ZDHHC20: variants seen among roughly 807,000 people sequenced by gnomAD.
ZDHHC20 encodes palmitoyltransferase ZDHHC20.
ZDHHC20 carries 43 observed loss-of-function variants against 57.8 expected under a neutral mutation model. That is an observed-to-expected ratio of 0.74 (90% CI 0.58 to 0.96). The LOEUF (loss-of-function observed/expected upper bound fraction) is 0.96, where lower values mean the gene tolerates loss of function less well. ZDHHC20 is among the 40% of genes least tolerant of loss of function. ZDHHC20 has a pLI of 0.00. For synonymous variants in ZDHHC20, 157 were observed against 153.0 expected, an observed-to-expected ratio of 1.03 and a Z score of -0.19; for missense variants, 391 against 441.1, an observed-to-expected ratio of 0.89 and a Z score of 1.02.
At chr13:21,445,278 C>A (rs1883578612) in intron 1 of ZDHHC20, among the ~76,000 whole-genome samples, 1 of 152,132 alleles carries the variant, frequency 6.6e-6, no homozygotes, top group Non-Finnish European at 1.5e-5. Flanking sequence ...CAGAGTTACA[C>A]AGATGTGGAT....
At chr13:21,396,842 A>AAG (rs1555257180) in intron 7 of ZDHHC20, among the ~76,000 whole-genome samples, 4 of 148,062 alleles carry the variant, frequency 2.7e-5, no homozygotes, top group Admixed American at 6.7e-5. Context: ...CAAAAAAAAA[A>AAG]AAAGAAAGAA....
chr13:21,392,732 G>C (rs1225498894), intron 7 of ZDHHC20, among the ~76,000 whole-genome samples: 1 of 152,160 alleles, frequency 6.6e-6, no homozygotes, highest in African/African-American at 2.4e-5. Flanking sequence ...ACACGAGGCT[G>C]TTCTGCTTGA....
chr13:21,417,771 C>T (rs1880174909), intron 3 of ZDHHC20, among the ~76,000 whole-genome samples: 1 of 152,056 alleles, frequency 6.6e-6, no homozygotes, highest in South Asian at 2.1e-4. Flanking sequence ...AATCAATTCC[C>T]CTAGACCTAG....
Position 21,413,636 on chromosome 13 carries a change from T to C in ZDHHC20, c.370+16A>G, listed in dbSNP as rs1434654716. 1 of 1,574,446 alleles carries C rather than the reference T, an allele frequency of 6.4e-7. No homozygotes were observed. The highest frequency in any genetic ancestry group is 1.9e-5 in the Admixed American group (1 of 52,996). On this transcript the variant is annotated intron_variant, in intron 4 of 12. Coordinates refer to ENST00000400590, the MANE Select transcript of ZDHHC20 (RefSeq NM_001330059.2). Reference sequence around the variant, plus strand: ...TTAAAAATCATTTGAAAAGGAAAACTTATTCTTTTTCTTACTTTTTGAAGC... The same window carrying C: ...TTAAAAATCATTTGAAAAGGAAAACCTATTCTTTTTCTTACTTTTTGAAGC...
chr13:21,373,705 G>A lies in ZDHHC20; in HGVS notation c.*2991C>T, dbSNP rs1233223906. 1 of 152,186 alleles carries A rather than the reference G, an allele frequency of 6.6e-6. No homozygotes were observed. Among genetic ancestry groups the A allele is most frequent in the Non-Finnish European group, 1.5e-5 (1 of 68,024 alleles). 9.4% of individuals were successfully genotyped at this position (152,186 alleles called of 1,614,324 possible). A position where few individuals can be genotyped will look rare whatever the true frequency, so the allele number is the denominator to read the frequency against. On this transcript the variant is annotated 3_prime_UTR_variant, in exon 13 of 13. Coordinates refer to ENST00000400590, the MANE Select transcript of ZDHHC20 (RefSeq NM_001330059.2). ...ATCACAAAGTGTTTGAAGGACCAAA[G>A]ATAGTACTTCTAAAATTTGACAGGG...
chr13:21,455,635 T>G (rs902162236), intron 1 of ZDHHC20, among the ~76,000 whole-genome samples: 4 of 11,642 alleles, frequency 3.4e-4, no homozygotes, highest in East Asian at 1.1e-3. Flanking sequence ...AGTGAAGTGG[T>G]GTGTGTGTGT....
intron 3 of ZDHHC20, among the ~76,000 whole-genome samples, chr13:21,418,335 G>T (rs1258540858): frequency 1.3e-5 from 2 of 152,092 alleles, no homozygotes; most frequent in African/African-American, 2.4e-5. Flanking sequence ...AAAGGCTTAA[G>T]CTCTGGGCTG....
chr13:21,378,273 T>G (rs1214405400), intron 12 of ZDHHC20, among the ~76,000 whole-genome samples: 1 of 152,158 alleles, frequency 6.6e-6, no homozygotes, highest in African/African-American at 2.4e-5. Context: ...TGACCCAGGC[T>G]GGTCTCTCAC....
At chr13:21,398,430 C>T (rs980023655) in intron 7 of ZDHHC20, among the ~76,000 whole-genome samples, 2 of 151,036 alleles carry the variant, frequency 1.3e-5, no homozygotes, top group African/African-American at 4.9e-5. Context: ...CGCCACTGCA[C>T]TCCAGCCTGG....
chr13:21,439,239 C>T (rs981465238), intron 1 of ZDHHC20, among the ~76,000 whole-genome samples: 54 of 152,296 alleles, frequency 3.5e-4, no homozygotes, highest in African/African-American at 1.3e-3. Flanking sequence ...GTGGCTCACG[C>T]CTGTAATCCC....
At chr13:21,415,466 A>T (rs1879839709) in intron 3 of ZDHHC20, among the ~76,000 whole-genome samples, 1 of 152,190 alleles carries the variant, frequency 6.6e-6, no homozygotes. Flanking sequence ...CAACATGGAC[A>T]GATGAACAGG....
chr13:21,407,124 G>T (rs866939581), intron 4 of ZDHHC20, among the ~76,000 whole-genome samples: 1 of 152,102 alleles, frequency 6.6e-6, no homozygotes, highest in East Asian at 1.9e-4. Flanking sequence ...GAGTAGCTGG[G>T]ATTACAGGTG....
intron 3 of ZDHHC20, among the ~76,000 whole-genome samples, chr13:21,414,057 T>C (rs1461058283): frequency 6.6e-6 from 1 of 152,154 alleles, no homozygotes; most frequent in Non-Finnish European, 1.5e-5. Flanking sequence ...CAGGAAAGGC[T>C]TAATATATAG....
At chr13:21,400,537 A>G in intron 6 of ZDHHC20, 44 bp from the exon 7 acceptor site, 1 of 1,515,044 alleles carries the variant, frequency 6.6e-7, no homozygotes, top group Non-Finnish European at 8.8e-7. Context: ...AAGACAAATC[A>G]CAAATTCACA....
chr13:21,418,265 C>T (rs1351852948), intron 3 of ZDHHC20, among the ~76,000 whole-genome samples: 2 of 152,120 alleles, frequency 1.3e-5, no homozygotes, highest in Admixed American at 6.5e-5. Context: ...TCACTGGATA[C>T]AGGCTTGGGC....
chr13:21,408,479 T>C (rs1012527946), intron 4 of ZDHHC20, among the ~76,000 whole-genome samples: 3 of 152,356 alleles, frequency 2.0e-5, no homozygotes, highest in South Asian at 4.1e-4. Context: ...TCCTGAGACT[T>C]TGCTGAAGTT....
chr13:21,376,495 T>C lies in ZDHHC20; in HGVS notation c.*201A>G. The C allele has an allele frequency of 2.3e-6, 1 of 427,032 alleles. No homozygotes were observed. Among genetic ancestry groups the C allele is most frequent in the Non-Finnish European group, 4.2e-6 (1 of 240,014 alleles). 26.5% of individuals were successfully genotyped at this position (427,032 alleles called of 1,614,324 possible). A position where few individuals can be genotyped will look rare whatever the true frequency, so the allele number is the denominator to read the frequency against. ...CAAATGGACACTTAAGATTAAGGCA[T>C]CATTCTGCTCTGGAGTAGTGCTTCT... is the stretch of plus-strand genomic sequence containing the variant. On this transcript the variant is annotated 3_prime_UTR_variant, in exon 13 of 13. Coordinates refer to ENST00000400590, the MANE Select transcript of ZDHHC20 (RefSeq NM_001330059.2).
intron 1 of ZDHHC20, among the ~76,000 whole-genome samples, chr13:21,454,302 G>A (rs1884724891): frequency 6.6e-6 from 1 of 151,984 alleles, no homozygotes; most frequent in African/African-American, 2.4e-5. Flanking sequence ...CTGAAGCTTG[G>A]GCAACAAAAT....
At chr13:21,383,500 G>GT (rs1873824812) in intron 9 of ZDHHC20, among the ~76,000 whole-genome samples, 1 of 152,186 alleles carries the variant, frequency 6.6e-6, no homozygotes, top group Non-Finnish European at 1.5e-5. Context: ...TTCATTAGCA[G>GT]TGTGAGAACA....
Sources: gnomAD v4.1 joint callset for allele counts (sites outside exome capture counted in the v4.1 genomes callset) on GRCh38, gnomAD v4.1.1 for gene constraint, MANE v1.5 for transcripts, NCBI Gene and HGNC (gene_info 2026-07-23, HGNC 2026-07-21) for gene names.